Variants in PRRX2 observed in about 807,000 individuals in gnomAD.
PRRX2 encodes paired mesoderm homeobox protein 2.
PRRX2 carries 11 observed loss-of-function variants against 18.0 expected under a neutral mutation model. The observed-to-expected ratio is 0.61, with a 90% CI of 0.39 to 1.01. The LOEUF is 1.01. Ranked by LOEUF, PRRX2 falls within the 50% of genes least tolerant of loss-of-function variation. The pLI is 0.01. For synonymous variants in PRRX2, 177 were observed against 154.8 expected (o/e 1.14, Z -1.06); for missense variants, 387 against 351.0 (o/e 1.10, Z -0.82).
intron 1 of PRRX2, among the ~76,000 whole-genome samples, chr9:129,697,417 G>A (rs974244354): frequency 2.6e-5 from 4 of 151,554 alleles, no homozygotes; most frequent in African/African-American, 7.3e-5. Flanking sequence ...GGGGCTGGGC[G>A]CGGGATCTAT....
At chr9:129,667,424 G>A (rs1832039739) in intron 1 of PRRX2, among the ~76,000 whole-genome samples, 1 of 152,328 alleles carries the variant, frequency 6.6e-6, no homozygotes, top group South Asian at 2.1e-4. Context: ...GCGGCTCTGA[G>A]CCGGTCCCCC....
At chr9:129,704,577 G>A (rs932567565) in intron 1 of PRRX2, among the ~76,000 whole-genome samples, 1 of 152,188 alleles carries the variant, frequency 6.6e-6, no homozygotes, top group Non-Finnish European at 1.5e-5. Flanking sequence ...GGAAGCGCAT[G>A]TGTGTCTGCA....
In PRRX2 at chr9:129,675,956, C is replaced by G. The variant is rs1414786935; in HGVS notation, c.259+9830C>G. Reference sequence around the variant, plus strand: ...CAGAAAACAGCTGTTAACAGCAGCCCTCTAATGCTCTCAAGATGGTGCCTC... The same window carrying G: ...CAGAAAACAGCTGTTAACAGCAGCCGTCTAATGCTCTCAAGATGGTGCCTC... On this transcript the variant is annotated intron_variant, in intron 1 of 3. Coordinates refer to ENST00000372469, the MANE Select transcript of PRRX2 (RefSeq NM_016307.4). This position sits in a 1 kb window ranked among gnomAD's most constrained non-coding sequence, Gnocchi z 4.4. 1.3e-5 allele frequency among the ~76,000 whole-genome samples: 2 copies of G among 152,208 alleles called. No homozygotes were observed. The highest frequency in any genetic ancestry group is 2.9e-5 in the Non-Finnish European group (2 of 68,032).
At chr9:129,700,867 C>T (rs1832485280) in intron 1 of PRRX2, among the ~76,000 whole-genome samples, 1 of 152,238 alleles carries the variant, frequency 6.6e-6, no homozygotes, top group African/African-American at 2.4e-5. Flanking sequence ...GATCCACCCG[C>T]CTCAGCCTCC....
At chr9:129,684,164 G>A (rs1327656561) in intron 1 of PRRX2, among the ~76,000 whole-genome samples, 1 of 152,154 alleles carries the variant, frequency 6.6e-6, no homozygotes, top group Non-Finnish European at 1.5e-5. Context: ...AGTTCTGCCA[G>A]GGTGAGGACA....
chr9:129,696,119 G>A (rs1832418201), intron 1 of PRRX2, among the ~76,000 whole-genome samples: 1 of 151,742 alleles, frequency 6.6e-6, no homozygotes, highest in South Asian at 2.1e-4. Flanking sequence ...AGTCACAGAA[G>A]GAGAGAAAGG....
intron 1 of PRRX2, among the ~76,000 whole-genome samples, chr9:129,699,077 TC>T (rs1192072893): frequency 6.6e-6 from 1 of 152,168 alleles, no homozygotes; most frequent in Admixed American, 6.5e-5. Context: ...CTGAAGCATT[TC>T]CCTGTGGGAG....
intron 1 of PRRX2, among the ~76,000 whole-genome samples, chr9:129,689,356 T>C (rs1016306625): frequency 8.5e-5 from 13 of 152,304 alleles, no homozygotes; most frequent in Admixed American, 6.5e-4. Flanking sequence ...CAGATTTCGG[T>C]GTGACCAGGC....
intron 1 of PRRX2, among the ~76,000 whole-genome samples, chr9:129,713,414 A>G (rs1832656781): frequency 6.6e-6 from 1 of 152,108 alleles, no homozygotes; most frequent in Non-Finnish European, 1.5e-5. Flanking sequence ...GGCTTCCTTT[A>G]GGACGAAGAG....
rs762929485 is a variant in PRRX2, at chr9:129,715,750, T to TCTCTCTCTCTCTCTCTCTCACACACACA, written c.260-3480_260-3479insTCTCTCTCTCTCTCTCTCACACACACAC. On this transcript the variant is annotated intron_variant, in intron 1 of 3. Transcript: ENST00000372469. This position sits in a 1 kb window ranked among gnomAD's most constrained non-coding sequence, Gnocchi z 4.0. ...AAACCCAGCTTCAGGGACATCTTTC[T>TCTCTCTCTCTCTCTCTCTCACACACACA]CACACACACACACACACACACACAC... is the stretch of plus-strand genomic sequence containing the variant. 7.2e-6 allele frequency among the ~76,000 whole-genome samples: 1 copy of TCTCTCTCTCTCTCTCTCTCACACACACA among 138,862 alleles called. No individual in the cohort carries two copies. Among genetic ancestry groups the TCTCTCTCTCTCTCTCTCTCACACACACA allele is most frequent in the Non-Finnish European group, 1.5e-5 (1 of 64,902 alleles). 91.1% of individuals were successfully genotyped at this position (138,862 alleles called of 152,430 possible).
At position 129,666,094 on chromosome 9, in the gene PRRX2, G is replaced by A. The variant is rs1489743011; in HGVS notation, c.227G>A (p.Gly76Asp). The A allele has an allele frequency of 2.8e-5, 29 of 1,030,600 alleles. 1 individual carries two copies. The East Asian group carries it at 2.4e-3, about 87-fold the overall frequency. The allele number at this position is 1,030,600 out of a possible 1,614,324, so 63.8% of individuals were successfully genotyped here. A position where few individuals can be genotyped will look rare whatever the true frequency, so the allele number is the denominator to read the frequency against. Residue 76 changes from glycine to aspartate, a missense_variant, in exon 1 of 4, where the codon GGC becomes GAC. Gly to Asp is a moderately conservative substitution (Grantham distance 94). Coordinates refer to ENST00000372469, the MANE Select transcript of PRRX2 (RefSeq NM_016307.4). ...REGAAREPSGGSSGSEAAPQD... is the reference protein window; with the variant it reads ...REGAAREPSGDSSGSEAAPQD... ...GGCGCAGCACGGGAGCCGTCCGGGG[G>A]CAGCAGCGGCAGCGAGGCGGCGCCG...
chr9:129,701,069 C>T (rs1436233313), intron 1 of PRRX2, among the ~76,000 whole-genome samples: 2 of 152,204 alleles, frequency 1.3e-5, no homozygotes, highest in Admixed American at 6.5e-5. Context: ...ACATTTTTCA[C>T]AGTGTTTACA....
chr9:129,695,795 A>G lies in PRRX2; in HGVS notation c.260-23436A>G, dbSNP rs1410069940. 6.6e-6 allele frequency among the ~76,000 whole-genome samples: 1 copy of G among 152,218 alleles called. No individual in the cohort carries two copies. Among genetic ancestry groups the G allele is most frequent in the East Asian group, 1.9e-4 (1 of 5,202 alleles). ...AGTGAGTTTTTTTTCTAAAATCCAGAATTTCTGACAGCCCAAGTTAACAAG... is the reference window on the plus strand; with the variant it reads ...AGTGAGTTTTTTTTCTAAAATCCAGGATTTCTGACAGCCCAAGTTAACAAG... On this transcript the variant is annotated intron_variant, in intron 1 of 3. Coordinates refer to ENST00000372469, the MANE Select transcript of PRRX2 (RefSeq NM_016307.4). The surrounding 1 kb of genome is among the most constrained non-coding windows in gnomAD (Gnocchi z 4.8).
chr9:129,717,778 C>T (rs1408373409), intron 1 of PRRX2, among the ~76,000 whole-genome samples: 1 of 150,692 alleles, frequency 6.6e-6, no homozygotes. Flanking sequence ...TTTTGTTTTA[C>T]TTTATACCCA....
chr9:129,665,920 G>GGCCGCC lies in PRRX2; in HGVS notation c.60_65dup (p.Pro23_Pro24dup). ...CTGGACAAGCCGGCGCTGGGCCCGGGGCCGCCGCCGCCTCCACCCGCGCTG... is the reference window on the plus strand; with the variant it reads ...CTGGACAAGCCGGCGCTGGGCCCGGGGCCGCCGCCGCCGCCGCCTCCACCCGCGCTG... On this transcript the variant is annotated inframe_insertion, in exon 1 of 4. Transcript: ENST00000372469. The surrounding 1 kb of genome is among the most constrained non-coding windows in gnomAD (Gnocchi z 5.3). 2 of 1,114,730 alleles carry GGCCGCC rather than the reference G, an allele frequency of 1.8e-6. No homozygotes were observed. The highest frequency in any genetic ancestry group is 2.2e-6 in the Non-Finnish European group (2 of 914,116). 69.1% of individuals were successfully genotyped at this position (1,114,730 alleles called of 1,614,324 possible).
intron 1 of PRRX2, among the ~76,000 whole-genome samples, chr9:129,707,067 C>T (rs1489498243): frequency 1.3e-5 from 2 of 152,206 alleles, no homozygotes; most frequent in East Asian, 3.9e-4. Flanking sequence ...ATTAGCCTGG[C>T]CAACATGGTG....
At chr9:129,721,087 G>A (rs1832785574) in intron 3 of PRRX2, among the ~76,000 whole-genome samples, 1 of 152,238 alleles carries the variant, frequency 6.6e-6, no homozygotes, top group Admixed American at 6.5e-5. Context: ...CCACAGGGGT[G>A]TGAGTGTGTG....
chr9:129,706,204 G>C (rs1832555172), intron 1 of PRRX2, among the ~76,000 whole-genome samples: 1 of 152,174 alleles, frequency 6.6e-6, no homozygotes, highest in African/African-American at 2.4e-5. Flanking sequence ...CCAGTGCTTT[G>C]GGAGGCCAAG....
chr9:129,701,832 G>C (rs532137190), intron 1 of PRRX2, among the ~76,000 whole-genome samples: 3 of 152,366 alleles, frequency 2.0e-5, no homozygotes, highest in Non-Finnish European at 2.9e-5. Context: ...AGGCGCAGTG[G>C]CTCACGCCTG....
Sources: gnomAD v4.1 joint callset for allele counts (sites outside exome capture counted in the v4.1 genomes callset) on GRCh38, gnomAD v4.1.1 for gene constraint, Gnocchi (gnomAD v3.1) non-coding constraint, MANE v1.5 for transcripts, NCBI Gene and HGNC (gene_info 2026-07-23, HGNC 2026-07-21) for gene names.